DNAJC13: variants seen among roughly 807,000 people sequenced by gnomAD.
The protein encoded by DNAJC13 is DnaJ heat shock protein family (Hsp40) member C13, also known as dnaJ homolog subfamily C member 13.
In DNAJC13, 75 loss-of-function variants were observed where a neutral mutation model predicts 290.5. The observed-to-expected ratio is 0.26, with a 90% CI of 0.21 to 0.31. The LOEUF is 0.31. Among genes scored for constraint, DNAJC13 ranks in the 10% least tolerant of loss-of-function variants. The probability of loss-of-function intolerance (pLI) is 1.00; values close to 1 mark genes in which losing one functional copy is unlikely to be tolerated. For missense variants in DNAJC13, 2,260 were observed against 2,674.5 expected (o/e 0.85, Z 3.42); for synonymous variants, 862 against 892.0 (o/e 0.97, Z 0.60).
chr3:132,436,939 G>T (rs1255967703), intron 2 of DNAJC13, among the ~76,000 whole-genome samples: 1 of 149,862 alleles, frequency 6.7e-6, no homozygotes, highest in Non-Finnish European at 1.5e-5. Flanking sequence ...AGGCTGGAGT[G>T]CTGATCTCGG....
Position 132,523,144 on chromosome 3 carries a change from T to A in DNAJC13, c.5844-13T>A. The A allele has an allele frequency of 6.2e-7, 1 of 1,613,864 alleles. No homozygotes were observed. Reference sequence around the variant, plus strand: ...TGACTGAAGTTTGGTATCCATCCCTTTTTTTCCCCAAGGCACTTTAAAAAT... The same window carrying A: ...TGACTGAAGTTTGGTATCCATCCCTATTTTTCCCCAAGGCACTTTAAAAAT... On this transcript the variant is annotated splice_polypyrimidine_tract_variant and intron_variant, in intron 49 of 55. Coordinates refer to ENST00000260818, the MANE Select transcript of DNAJC13 (RefSeq NM_015268.4).
intron 1 of DNAJC13, among the ~76,000 whole-genome samples, chr3:132,420,510 T>C (rs2107636227): frequency 6.6e-6 from 1 of 151,998 alleles, no homozygotes; most frequent in South Asian, 2.1e-4. Context: ...GAACACAGTG[T>C]TTGACTTAGA....
At chr3:132,531,593 C>A (rs1936416124) in intron 55 of DNAJC13, among the ~76,000 whole-genome samples, 2 of 152,040 alleles carry the variant, frequency 1.3e-5, no homozygotes, top group Middle Eastern at 3.2e-3. Context: ...GTCAGGAGAT[C>A]GAGACCATCC....
chr3:132,479,107 C>T, intron 24 of DNAJC13, 120 bp from the exon 25 acceptor site: 10 of 562,800 alleles, frequency 1.8e-5, no homozygotes, highest in African/African-American at 3.8e-5. Context: ...GATTTTTCTC[C>T]TTAATGTTTA....
At chr3:132,455,587 G>C (rs1396998807) in intron 9 of DNAJC13, among the ~76,000 whole-genome samples, 1 of 151,930 alleles carries the variant, frequency 6.6e-6, no homozygotes, top group Admixed American at 6.6e-5. Flanking sequence ...TCCATATCTA[G>C]ATCAGCCAGT....
At chr3:132,505,177 T>C (rs781026932) in intron 41 of DNAJC13, 125 bp from the exon 42 acceptor site, 9 of 596,140 alleles carry the variant, frequency 1.5e-5, no homozygotes, top group Non-Finnish European at 2.4e-5. Context: ...AGATACTTAT[T>C]ATTGAGGTCC....
At chr3:132,495,253 C>T in intron 35 of DNAJC13, 87 bp downstream of exon 35, 2 of 999,170 alleles carry the variant, frequency 2.0e-6, no homozygotes, top group Non-Finnish European at 3.1e-6. Flanking sequence ...CCTTCTGTGC[C>T]AGTATCTGCC....
rs535660153 is a variant in DNAJC13, at chr3:132,475,131, T to G, written c.2445+46T>G. The G allele has an allele frequency of 1.7e-5, 25 of 1,432,468 alleles. No homozygotes were observed. In the South Asian group the frequency reaches 3.5e-4, roughly 20 times the overall value. 88.7% of individuals were successfully genotyped at this position (1,432,468 alleles called of 1,614,324 possible). On this transcript the variant is annotated intron_variant, in intron 22 of 55. Transcript: ENST00000260818. ...TATATTAATCTTAAAAAATAAAGCA[T>G]GTACTATTTGGGGAGTGATTTTTTT...
chr3:132,518,523 T>C (rs757545967), intron 48 of DNAJC13, among the ~76,000 whole-genome samples: 24 of 152,054 alleles, frequency 1.6e-4, no homozygotes, highest in Non-Finnish European at 2.9e-4. Context: ...TGGCTAATTT[T>C]TGTATTTTTT....
intron 26 of DNAJC13, among the ~76,000 whole-genome samples, chr3:132,481,668 A>G (rs1423560663): frequency 6.6e-6 from 1 of 152,226 alleles, no homozygotes; most frequent in Non-Finnish European, 1.5e-5. Context: ...TAAAACATTG[A>G]TAGAGAACAT....
At chr3:132,423,353 T>A (rs1939011556) in intron 1 of DNAJC13, among the ~76,000 whole-genome samples, 1 of 152,196 alleles carries the variant, frequency 6.6e-6, no homozygotes, top group African/African-American at 2.4e-5. Context: ...GTTGGTGAGG[T>A]TATGAATGGA....
chr3:132,523,094 C>T, intron 49 of DNAJC13, 63 bp from the exon 50 acceptor site: 1 of 1,608,528 alleles, frequency 6.2e-7, no homozygotes, highest in African/African-American at 1.3e-5. Context: ...AAAACTTATG[C>T]TAAAGGTTAA....
At chr3:132,473,709 A>G (rs1339757008) in intron 21 of DNAJC13, among the ~76,000 whole-genome samples, 1 of 152,102 alleles carries the variant, frequency 6.6e-6, no homozygotes, top group Non-Finnish European at 1.5e-5. Flanking sequence ...CACACAGGAC[A>G]GGGAAACAGT....
chr3:132,512,683 C>G (rs1467084107), intron 44 of DNAJC13, among the ~76,000 whole-genome samples: 1 of 152,002 alleles, frequency 6.6e-6, no homozygotes, highest in Non-Finnish European at 1.5e-5. Flanking sequence ...ACCCTAAGGT[C>G]TAGAGGTAGA....
intron 41 of DNAJC13, among the ~76,000 whole-genome samples, chr3:132,503,607 C>T (rs987184813): frequency 6.6e-6 from 1 of 152,140 alleles, no homozygotes; most frequent in African/African-American, 2.4e-5. Flanking sequence ...GCTGTGGAGC[C>T]TATCATAATT....
rs1463758804 is a variant in DNAJC13, at chr3:132,528,372, C to T, written c.6525+40C>T. Reference sequence around the variant, plus strand: ...AGTCAACTTTTGATATTCTAAAAGCCAGGGTCTTGGCCATGGATGGTCCAC... The same window carrying T: ...AGTCAACTTTTGATATTCTAAAAGCTAGGGTCTTGGCCATGGATGGTCCAC... On this transcript the variant is annotated intron_variant, in intron 54 of 55. Transcript: ENST00000260818. 8 of 1,610,744 alleles carry T rather than the reference C, an allele frequency of 5.0e-6. 1 individual carries two copies. The highest frequency in any genetic ancestry group is 5.9e-6 in the Non-Finnish European group (7 of 1,177,810).
Position 132,447,336 on chromosome 3 carries a change from AT to A in DNAJC13, c.163del (p.Cys55AlafsTer29), listed in dbSNP as rs1308606782. 1 of 1,580,000 alleles carries A rather than the reference AT, an allele frequency of 6.3e-7. No homozygotes were observed. The highest frequency in any genetic ancestry group is 8.6e-7 in the Non-Finnish European group (1 of 1,168,900). ...EVTNQWPYGD[I>X]CSISPVGKGQ... ...TTTTTTTAAGTGGCCTTATGGAGAC[AT>A]TTGCAGCATCAGCCCTGTTGGAAAA... On this transcript the variant is annotated frameshift_variant, in exon 4 of 56. Coordinates refer to ENST00000260818, the MANE Select transcript of DNAJC13 (RefSeq NM_015268.4). LOFTEE classifies it high-confidence loss of function.
chr3:132,535,937 C>T (rs1001527260), intron 55 of DNAJC13, among the ~76,000 whole-genome samples: 2 of 152,090 alleles, frequency 1.3e-5, no homozygotes, highest in East Asian at 1.9e-4. Context: ...TAGAACTATC[C>T]GGGAATTGAT....
chr3:132,481,593 CAA>C (rs1417605213), intron 26 of DNAJC13, among the ~76,000 whole-genome samples: 2 of 152,120 alleles, frequency 1.3e-5, no homozygotes, highest in Admixed American at 1.3e-4. Context: ...AAAAGAAAGA[CAA>C]AGAACATAAC....
Sources: allele counts gnomAD v4.1 joint callset (sites outside exome capture counted in the v4.1 genomes callset), GRCh38; gene constraint gnomAD v4.1.1; transcripts MANE v1.5; gene names NCBI Gene and HGNC (gene_info 2026-07-23, HGNC 2026-07-21).